TAFA1: variants seen among roughly 807,000 people sequenced by gnomAD.
TAFA1 encodes the protein chemokine-like protein TAFA-1.
A neutral mutation model predicts 18.5 loss-of-function variants in TAFA1; 4 were observed. That is an observed-to-expected ratio of 0.22 (90% CI 0.11 to 0.49). The LOEUF (loss-of-function observed/expected upper bound fraction) is 0.49, where lower values mean the gene tolerates loss of function less well. Among genes scored for constraint, TAFA1 ranks in the 20% least tolerant of loss-of-function variants. The pLI is 0.98. For synonymous variants in TAFA1, 56 were observed against 55.2 expected (o/e 1.01, Z -0.06); for missense variants, 147 against 169.0 (o/e 0.87, Z 0.72).
intron 3 of TAFA1, among the ~76,000 whole-genome samples, chr3:68,486,384 T>C (rs2072340454): frequency 1.3e-5 from 2 of 152,158 alleles, no homozygotes; most frequent in Non-Finnish European, 2.9e-5. Flanking sequence ...AACATGACCA[T>C]GTTCACAAAT....
At chr3:68,079,313 T>A (rs561034517) in intron 2 of TAFA1, among the ~76,000 whole-genome samples, 4,511 of 152,090 alleles carry the variant, frequency 0.03, 232 homozygotes, top group African/African-American at 0.1. Context: ...TCTATTTCCT[T>A]CAGTTCTGCT....
chr3:68,385,198 A>G (rs1418610349), intron 2 of TAFA1, among the ~76,000 whole-genome samples: 1 of 152,130 alleles, frequency 6.6e-6, no homozygotes, highest in Non-Finnish European at 1.5e-5. Flanking sequence ...ACATGAGATA[A>G]TGTAGCATCT....
At chr3:68,222,614 A>C (rs1575689027) in intron 2 of TAFA1, among the ~76,000 whole-genome samples, 1 of 152,160 alleles carries the variant, frequency 6.6e-6, no homozygotes. Context: ...CTAATGGAGG[A>C]TCATCAACCA....
At chr3:68,390,610 C>T (rs114393797) in intron 2 of TAFA1, among the ~76,000 whole-genome samples, 4,294 of 152,222 alleles carry the variant, frequency 0.028, 82 homozygotes, top group Non-Finnish European at 0.042. Flanking sequence ...GGAGAGGCAG[C>T]GGGCATCTGG....
chr3:68,491,360 TA>T (rs1318920136), intron 3 of TAFA1, among the ~76,000 whole-genome samples: 1 of 152,124 alleles, frequency 6.6e-6, no homozygotes, highest in East Asian at 1.9e-4. Context: ...TATGTAGCCA[TA>T]AAAAATGATG....
At chr3:68,255,565 G>A (rs1368748732) in intron 2 of TAFA1, among the ~76,000 whole-genome samples, 2 of 152,056 alleles carry the variant, frequency 1.3e-5, no homozygotes, top group African/African-American at 2.4e-5. Flanking sequence ...GGAGCTAAAT[G>A]TTGTCTCTAT....
intron 2 of TAFA1, among the ~76,000 whole-genome samples, chr3:68,407,882 A>G (rs542036966): frequency 6.6e-6 from 1 of 152,294 alleles, no homozygotes; most frequent in South Asian, 2.1e-4. Flanking sequence ...GCATAAACAA[A>G]TCAAGCAGCT....
rs2064925653 is a variant in TAFA1 at position 68,083,120 on chromosome 3, A to T, written c.118+76376A>T. 2.0e-5 allele frequency among the ~76,000 whole-genome samples: 3 copies of T among 152,288 alleles called. No homozygotes were observed. In the South Asian group the frequency reaches 6.2e-4, roughly 32 times the overall value. ...TACTCACCAGCATAATGGAGCCCGA[A>T]AGGAAAAATGTGAAGGCTAGGTCTT... On this transcript the variant is annotated intron_variant, in intron 2 of 4. Transcript: ENST00000478136.
intron 3 of TAFA1, among the ~76,000 whole-genome samples, chr3:68,517,790 T>A (rs567824839): frequency 5.3e-5 from 8 of 152,306 alleles, no homozygotes; most frequent in South Asian, 2.1e-4. Context: ...ATTTCTATTA[T>A]TCTCATGGTA....
Position 68,506,579 on chromosome 3 carries a change from C to T in TAFA1, c.260-32177C>T, listed in dbSNP as rs79559238. ...CACTGTGTGGGCATAATCAGGGCAA[C>T]GCTGTGCTCCACTGGTATGCATTTG... On this transcript the variant is annotated intron_variant, in intron 3 of 4. Coordinates refer to ENST00000478136, the MANE Select transcript of TAFA1 (RefSeq NM_213609.4). 6.6e-3 allele frequency among the ~76,000 whole-genome samples: 1,005 copies of T among 152,234 alleles called. 4 individuals are homozygous for T. Among genetic ancestry groups the T allele is most frequent in the Non-Finnish European group, 0.01 (682 of 68,018 alleles).
rs63748968 is a variant in TAFA1, at chr3:68,246,589, C to CAAAAAAAAAAAAAAAAAAA, written c.119-170673_119-170655dup. 4.2e-4 allele frequency among the ~76,000 whole-genome samples: 23 copies of CAAAAAAAAAAAAAAAAAAA among 55,352 alleles called. 2 individuals carry two copies. Among genetic ancestry groups the CAAAAAAAAAAAAAAAAAAA allele is most frequent in the South Asian group, 1.7e-3 (2 of 1,196 alleles). The allele number at this position is 55,352 out of a possible 152,430, so 36.3% of individuals were successfully genotyped here. ...TGGGCGACAGAGCGGGACTCCGTCT[C>CAAAAAAAAAAAAAAAAAAA]AAAAAAAAAAAAAAAAAAAAAAAAA... On this transcript the variant is annotated intron_variant, in intron 2 of 4. Transcript: ENST00000478136.
intron 2 of TAFA1, among the ~76,000 whole-genome samples, chr3:68,254,774 T>C (rs2067266354): frequency 6.6e-6 from 1 of 152,128 alleles, no homozygotes; most frequent in Admixed American, 6.5e-5. Context: ...TGTCTGACTT[T>C]ACTGTACTAA....
chr3:68,462,832 CA>C (rs1045127669), intron 3 of TAFA1, among the ~76,000 whole-genome samples: 1 of 152,068 alleles, frequency 6.6e-6, no homozygotes, highest in Non-Finnish European at 1.5e-5. Flanking sequence ...GCCTGACAAG[CA>C]AAATGAAATT....
chr3:68,125,785 G>A (rs2065457467), intron 2 of TAFA1, among the ~76,000 whole-genome samples: 1 of 152,136 alleles, frequency 6.6e-6, no homozygotes, highest in Admixed American at 6.5e-5. Flanking sequence ...CTGCCTCGGG[G>A]TTACTTCAAT....
At chr3:68,189,278 C>T (rs1048458338) in intron 2 of TAFA1, among the ~76,000 whole-genome samples, 1 of 151,898 alleles carries the variant, frequency 6.6e-6, no homozygotes, top group Non-Finnish European at 1.5e-5. Flanking sequence ...AGTAGACTCA[C>T]CTACATGCCT....
chr3:68,386,134 A>G (rs111524152), intron 2 of TAFA1, among the ~76,000 whole-genome samples: 7 of 152,142 alleles, frequency 4.6e-5, no homozygotes, highest in Non-Finnish European at 1.0e-4. Context: ...CATTGTGCCA[A>G]ATTTATTCTC....
At chr3:68,098,719 G>T (rs1037511942) in intron 2 of TAFA1, among the ~76,000 whole-genome samples, 6 of 152,084 alleles carry the variant, frequency 3.9e-5, no homozygotes, top group Non-Finnish European at 8.8e-5. Flanking sequence ...TAAGCAAAAA[G>T]AACAAGGAGG....
At chr3:68,231,181 A>G (rs1006115838) in intron 2 of TAFA1, among the ~76,000 whole-genome samples, 5 of 152,174 alleles carry the variant, frequency 3.3e-5, no homozygotes, top group Admixed American at 2.0e-4. Context: ...TTTTGTACAC[A>G]TGTATTTTTT....
At chr3:68,062,096 A>T (rs1416448863) in intron 2 of TAFA1, among the ~76,000 whole-genome samples, 1 of 152,188 alleles carries the variant, frequency 6.6e-6, no homozygotes, top group East Asian at 1.9e-4. Context: ...CTAACAGCCA[A>T]AACCTCTTAG....
Sources: allele counts gnomAD v4.1 joint callset (sites outside exome capture counted in the v4.1 genomes callset), GRCh38; gene constraint gnomAD v4.1.1; transcripts MANE v1.5; gene names NCBI Gene and HGNC (gene_info 2026-07-23, HGNC 2026-07-21).